TTN: variants seen among roughly 807,000 people sequenced by gnomAD.
The protein encoded by TTN is connectin.
In TTN, 1,525 loss-of-function variants were observed where a neutral mutation model predicts 3,223.0. The ratio of observed to expected loss-of-function variants is 0.47; its 90% CI spans 0.45 to 0.49. The LOEUF is 0.49. Ranked by LOEUF, TTN falls within the 20% of genes least tolerant of loss-of-function variation. The pLI, the probability that TTN is intolerant of heterozygous loss-of-function variation, is 0.00. For synonymous variants in TTN, 14,094 were observed against 15,161.0 expected (o/e 0.93, Z 5.17); for missense variants, 40,786 against 43,424.0 (o/e 0.94, Z 5.40).
rs778251420 is a variant in TTN, at chr2:178,653,080, C to T, written c.38836G>A (p.Val12946Met). The T allele has an allele frequency of 6.2e-7, 1 of 1,610,542 alleles. No individual in the cohort carries two copies. Among genetic ancestry groups the T allele is most frequent in the Admixed American group, 1.7e-5 (1 of 59,772 alleles). Residue 12946 changes from valine to methionine, a missense_variant, in exon 199 of 363, where the codon GTG (valine) becomes ATG (methionine). By Grantham distance (21) the Val-to-Met change is conservative. Coordinates refer to ENST00000589042, the MANE Select transcript of TTN (RefSeq NM_001267550.2). ...ACTTCAGGTTTTTTAGGAGGAGTCA[C>T]TGGCACTTTCTTTTCAGGAACAACT... is the stretch of plus-strand genomic sequence containing the variant. ...KEVVPEKKVP[V>M]TPPKKPEVPP...
rs777181856 is a variant in TTN, at chr2:178,594,406, T to C, written c.58088A>G (p.Asn19363Ser). ...DTYEYRVSAV[N>S]IVGQGKPSFC... ...TGATGGTTTGCCTTGTCCAACAATG[T>C]TGACAGCACTGACACGGTACTCATA... is the stretch of plus-strand genomic sequence containing the variant. The change falls in exon 296 of 363, where the codon AAC (asparagine) becomes AGC (serine). Residue 19363 changes from asparagine to serine, a missense_variant. Physicochemically the swap from Asn to Ser is conservative, Grantham distance 46 (BLOSUM62 1). Coordinates refer to ENST00000589042, the MANE Select transcript of TTN (RefSeq NM_001267550.2). 7.5e-6 allele frequency: 12 copies of C among 1,606,864 alleles called. No individual in the cohort carries two copies. In the South Asian group the frequency reaches 1.1e-4, roughly 15 times the overall value.
At position 178,528,606 on chromosome 2, in the gene TTN, T is replaced by G. The variant is rs1687608057; in HGVS notation, c.107145A>C (p.Glu35715Asp). The G allele has an allele frequency of 6.2e-7, 1 of 1,612,732 alleles. No homozygotes were observed. Among genetic ancestry groups the G allele is most frequent in the South Asian group, 1.1e-5 (1 of 90,898 alleles). ...CACAAGTAAAGAGAACATTTTGTCCTTCATTAATATTTTGAGATCTAGGCT... is the reference window on the plus strand; with the variant it reads ...CACAAGTAAAGAGAACATTTTGTCCGTCATTAATATTTTGAGATCTAGGCT... Reference protein sequence around the residue: ...ISQPRSQNINEGQNVLFTCEI... With the variant: ...ISQPRSQNINDGQNVLFTCEI... The change falls in exon 360 of 363, where the codon GAA (glutamate) becomes GAC (aspartate). Residue 35715 changes from glutamate (E) to aspartate (D), a missense_variant. Physicochemically the swap from Glu to Asp is conservative, Grantham distance 45 (BLOSUM62 2). Transcript: ENST00000589042.
At chr2:178,644,384 C>A in intron 218 of TTN, 164 bp downstream of exon 218, 1 of 515,048 alleles carries the variant, frequency 1.9e-6, no homozygotes, top group Non-Finnish European at 3.3e-6. Context: ...AAGGAAGCAA[C>A]ACTCATGAGC....
intron 201 of TTN, 49 bp from the exon 202 acceptor site, chr2:178,652,590 G>C: frequency 1.2e-6 from 2 of 1,608,314 alleles, no homozygotes; most frequent in Non-Finnish European, 1.7e-6. Context: ...AAGACCATTA[G>C]GAAAAATATT....
intron 165 of TTN, 72 bp downstream of exon 165, chr2:178,665,305 A>T: frequency 7.4e-7 from 1 of 1,358,142 alleles, no homozygotes; most frequent in Non-Finnish European, 1.0e-6. Context: ...GAAGAGTATT[A>T]GGAAGAAACC....
chr2:178,769,857 G>T lies in TTN; in HGVS notation c.8724C>A (p.Phe2908Leu). Reference sequence around the variant, plus strand: ...TCTTCAGCCACATGGAAGGGACATTGAAGTGGGACACCTCACACTCAAAAG... The same window carrying T: ...TCTTCAGCCACATGGAAGGGACATTTAAGTGGGACACCTCACACTCAAAAG... ...TASFECEVSHFNVPSMWLKNG... is the reference protein window; with the variant it reads ...TASFECEVSHLNVPSMWLKNG... The change falls in exon 37 of 363, where the codon TTC (phenylalanine) becomes TTA (leucine). Residue 2908 changes from phenylalanine to leucine, a missense_variant. Coordinates refer to ENST00000589042, the MANE Select transcript of TTN (RefSeq NM_001267550.2). 6.2e-7 allele frequency: 1 copy of T among 1,614,070 alleles called. No individual in the cohort carries two copies. Among genetic ancestry groups the T allele is most frequent in the Non-Finnish European group, 8.5e-7 (1 of 1,179,984 alleles).
chr2:178,757,621 A>C lies in TTN; in HGVS notation c.10599T>G (p.His3533Gln). The C allele has an allele frequency of 6.2e-7, 1 of 1,613,608 alleles. No homozygotes were observed. The highest frequency in any genetic ancestry group is 8.5e-7 in the Non-Finnish European group (1 of 1,179,606). ...LMLIVDAYSE[H>Q]AGQYSCKAAN... is the part of the protein sequence containing the mutation. ...CTGCTTTGCAAGAGTACTGCCCAGC[A>C]TGCTCTGAGTAAGCATCAACTATAA... The change falls in exon 45 of 363, where the codon CAT (histidine) becomes CAG (glutamine). Residue 3533 changes from histidine (H) to glutamine (Q), a missense_variant. Transcript: ENST00000589042.
Position 178,632,551 on chromosome 2 carries a change from G to A in TTN, c.43455C>T (p.His14485=), listed in dbSNP as rs769249986. 8.7e-6 allele frequency: 14 copies of A among 1,613,276 alleles called. No individual in the cohort carries two copies. The East Asian group carries it at 2.2e-4, about 26-fold the overall frequency. The change falls in exon 235 of 363, where the codon CAC becomes CAT. Residue 14485 remains histidine, a synonymous_variant. Transcript: ENST00000589042. ...CTTCAATGATCAGTTTGCCACTTGT[G>A]TGCTTATCTTCAGCTTCAAACATGT... ...AKYMFEAEDK[H]TSGKLIIEGI...
At chr2:178,689,673 C>G (rs867746191) in intron 122 of TTN, 78 bp from the exon 123 acceptor site, 1 of 1,458,286 alleles carries the variant, frequency 6.9e-7, no homozygotes, top group East Asian at 2.3e-5. Context: ...AGAAAGCAGA[C>G]GGGTGGACAG....
rs781609525 is a variant in TTN, at chr2:178,588,155, C to T, written c.63252G>A (p.Gly21084=). The T allele has an allele frequency of 2.5e-6, 4 of 1,608,618 alleles. No homozygotes were observed. Among genetic ancestry groups the T allele is most frequent in the African/African-American group, 2.7e-5 (2 of 74,930 alleles). The change falls in exon 305 of 363, where the codon GGG becomes GGA. Residue 21084 remains glycine, a synonymous_variant. Transcript: ENST00000589042. Reference sequence around the variant, plus strand: ...CACCATCATAGACTGGTTTTCCCCACCCAAGAGTTATGGAATGTTTGGTTG... The same window carrying T: ...CACCATCATAGACTGGTTTTCCCCATCCAAGAGTTATGGAATGTTTGGTTG... ...VDTTKHSITL[G]WGKPVYDGGA...
At chr2:178,721,502 A>G (rs1019240175) in intron 78 of TTN, among the ~76,000 whole-genome samples, 1 of 152,036 alleles carries the variant, frequency 6.6e-6, no homozygotes, top group South Asian at 2.1e-4. Context: ...TTAAAACATA[A>G]AAGTTAATGT....
chr2:178,709,604 G>A lies in TTN; in HGVS notation c.28715C>T (p.Ala9572Val). 6.2e-7 allele frequency: 1 copy of A among 1,613,720 alleles called. No individual in the cohort carries two copies. The highest frequency in any genetic ancestry group is 8.5e-7 in the Non-Finnish European group (1 of 1,179,666). Residue 9572 changes from alanine (A) to valine (V), a missense_variant, in exon 99 of 363, where the codon GCA becomes GTA. By Grantham distance (64) the Ala-to-Val change is moderately conservative (BLOSUM62 0). Coordinates refer to ENST00000589042, the MANE Select transcript of TTN (RefSeq NM_001267550.2). ...TGAAGACGTGCACAGAGCAGAGCCT[G>A]CATCATTGGACACTTTGCATGTGTA... ...GLYTCKVSND[A>V]GSALCTSSIV...
At position 178,573,965 on chromosome 2, in the gene TTN, C is replaced by A. The variant is rs398124455; in HGVS notation, c.72167G>T (p.Arg24056Leu). The change falls in exon 326 of 363, where the codon CGC (arginine) becomes CTC (leucine). Residue 24056 changes from arginine (R) to leucine (L), a missense_variant. Coordinates refer to ENST00000589042, the MANE Select transcript of TTN (RefSeq NM_001267550.2). The part of the protein sequence containing the change: ...AFRLEADVSG[R>L]PPPTMEWSKD... ...GCTCCATTCCATTGTTGGAGGTGGGCGGCCTGAAACATCAGCTTCCAGTCT... is the reference window on the plus strand; with the variant it reads ...GCTCCATTCCATTGTTGGAGGTGGGAGGCCTGAAACATCAGCTTCCAGTCT... The A allele has an allele frequency of 3.1e-6, 5 of 1,613,300 alleles. No homozygotes were observed. Among genetic ancestry groups the A allele is most frequent in the Non-Finnish European group, 4.2e-6 (5 of 1,179,562 alleles).
chr2:178,718,404 T>C lies in TTN; in HGVS notation c.24702A>G (p.Thr8234=). Reference sequence around the variant, plus strand: ...AGCTGTACTGTGCATAATCCTCTATTGTGCTCTCAAGAATTTCCAGTATGG... The same window carrying C: ...AGCTGTACTGTGCATAATCCTCTATCGTGCTCTCAAGAATTTCCAGTATGG... ...KSTILEILES[T]IEDYAQYSCL... The change falls in exon 85 of 363, where the codon ACA becomes ACG. Residue 8234 remains threonine (T), a synonymous_variant. Transcript: ENST00000589042. 2 of 1,613,812 alleles carry C rather than the reference T, an allele frequency of 1.2e-6. No individual in the cohort carries two copies. The highest frequency in any genetic ancestry group is 8.5e-7 in the Non-Finnish European group (1 of 1,179,756).
intron 155 of TTN, 54 bp from the exon 156 acceptor site, chr2:178,671,224 C>A (rs963706985): frequency 7.3e-6 from 10 of 1,366,314 alleles, no homozygotes; most frequent in Non-Finnish European, 1.0e-5. Context: ...TATTTTGGAG[C>A]ACTACTACTA....
At chr2:178,691,536 T>TA (rs1385514261) in intron 121 of TTN, among the ~76,000 whole-genome samples, 2 of 152,234 alleles carry the variant, frequency 1.3e-5, no homozygotes, top group Non-Finnish European at 2.9e-5. Context: ...GACTCGCCAC[T>TA]ATTGACTTTT....
Position 178,776,256 on chromosome 2 carries a change from G to A in TTN, c.5608C>T (p.Pro1870Ser). Residue 1870 changes from proline (P) to serine (S), a missense_variant, in exon 28 of 363, where the codon CCC (proline) becomes TCC (serine). By Grantham distance (74) the Pro-to-Ser change is moderately conservative. Coordinates refer to ENST00000589042, the MANE Select transcript of TTN (RefSeq NM_001267550.2). ...CCATTGAGGTACCAGTTGACTTTGG[G>A]CTGAGGGTAGCCTGTTACCCTGCAG... Reference protein sequence around the residue: ...FRCRVTGYPQPKVNWYLNGQL... With the variant: ...FRCRVTGYPQSKVNWYLNGQL... 6.2e-7 allele frequency: 1 copy of A among 1,614,118 alleles called. No individual in the cohort carries two copies. Among genetic ancestry groups the A allele is most frequent in the Non-Finnish European group, 8.5e-7 (1 of 1,179,986 alleles).
In TTN at chr2:178,536,978, A is replaced by G. The variant is rs1240151281; in HGVS notation, c.100131T>C (p.Pro33377=). Reference sequence around the variant, plus strand: ...TGATCACAACTGAGGACACTTCTAGAGGGTCACTGATGCCGAAAGTGTTCT... The same window carrying G: ...TGATCACAACTGAGGACACTTCTAGGGGGTCACTGATGCCGAAAGTGTTCT... ...SAQNTFGISD[P]LEVSSVVIIK... Residue 33377 remains proline, a synonymous_variant, in exon 356 of 363, where the codon CCT becomes CCC. Transcript: ENST00000589042. 2 of 1,613,234 alleles carry G rather than the reference A, an allele frequency of 1.2e-6. No homozygotes were observed. Among genetic ancestry groups the G allele is most frequent in the South Asian group, 2.2e-5 (2 of 90,972 alleles).
chr2:178,540,277 G>T lies in TTN; in HGVS notation c.97889C>A (p.Ser32630Tyr). ...AWSVPEDEGG[S>Y]KVTGYLIEMQ... ...TTCAATCAAGTAGCCTGTGACTTTA[G>T]ATCCTCCTTCATCTTCTGGAACACT... is the stretch of plus-strand genomic sequence containing the variant. The change falls in exon 351 of 363, where the codon TCT (serine) becomes TAT (tyrosine). Residue 32630 changes from serine to tyrosine, a missense_variant. Transcript: ENST00000589042. 2 of 1,613,814 alleles carry T rather than the reference G, an allele frequency of 1.2e-6. No homozygotes were observed. The highest frequency in any genetic ancestry group is 1.7e-6 in the Non-Finnish European group (2 of 1,179,762).
Sources: gnomAD v4.1 joint callset for allele counts (sites outside exome capture counted in the v4.1 genomes callset) on GRCh38, gnomAD v4.1.1 for gene constraint, MANE v1.5 for transcripts, NCBI Gene and HGNC (gene_info 2026-07-23, HGNC 2026-07-21) for gene names.